FHIT: variants seen among roughly 807,000 people sequenced by gnomAD.
FHIT encodes the protein fragile histidine triad diadenosine triphosphatase, also known as bis(5'-adenosyl)-triphosphatase.
In FHIT, 19 loss-of-function variants were observed where a neutral mutation model predicts 17.9. The observed-to-expected ratio is 1.06, with a 90% CI of 0.74 to 1.56. The LOEUF is 1.56. Ranked by LOEUF, FHIT falls within the 40% of genes most tolerant of loss-of-function variation. The probability of loss-of-function intolerance (pLI) is 0.00; values close to 1 mark genes in which losing one functional copy is unlikely to be tolerated. For synonymous variants in FHIT, 81 were observed against 69.7 expected, an observed-to-expected ratio of 1.16 and a Z score of -0.81; for missense variants, 248 against 189.2, an observed-to-expected ratio of 1.31 and a Z score of -1.82.
intron 7 of FHIT, among the ~76,000 whole-genome samples, chr3:60,008,698 G>T (rs1217411800): frequency 6.6e-6 from 1 of 152,182 alleles, no homozygotes; most frequent in Non-Finnish European, 1.5e-5. Flanking sequence ...GCTTTCCATG[G>T]CAGGTTGTCA....
intron 5 of FHIT, among the ~76,000 whole-genome samples, chr3:60,533,921 G>C (rs1343349321): frequency 6.6e-6 from 1 of 152,156 alleles, no homozygotes; most frequent in African/African-American, 2.4e-5. Context: ...GAAAAGCCCA[G>C]AGGCAGGGAG....
At chr3:60,750,262 C>T (rs782271530) in intron 4 of FHIT, among the ~76,000 whole-genome samples, 1 of 152,190 alleles carries the variant, frequency 6.6e-6, no homozygotes, top group Admixed American at 6.5e-5. Flanking sequence ...GAAATAGTTG[C>T]AGTATAAGGT....
At chr3:60,086,747 A>T (rs1016010700) in intron 5 of FHIT, among the ~76,000 whole-genome samples, 3 of 152,162 alleles carry the variant, frequency 2.0e-5, no homozygotes, top group African/African-American at 7.2e-5. Flanking sequence ...TGGGCTCCTA[A>T]TGCCTCAGGC....
chr3:60,682,386 G>C (rs1553697144), intron 4 of FHIT, among the ~76,000 whole-genome samples: 4 of 152,300 alleles, frequency 2.6e-5, no homozygotes, highest in Admixed American at 2.0e-4. Context: ...CAAAGAACAG[G>C]CTGATTCTTT....
chr3:61,153,043 T>C, intron 2 of FHIT, among the ~76,000 whole-genome samples: 1 of 151,012 alleles, frequency 6.6e-6, no homozygotes, highest in African/African-American at 2.4e-5. Flanking sequence ...CTCAGGAGGC[T>C]GAGGCAGGTG....
intron 5 of FHIT, among the ~76,000 whole-genome samples, chr3:60,194,077 T>C (rs1307306815): frequency 3.3e-5 from 5 of 151,998 alleles, no homozygotes; most frequent in Non-Finnish European, 5.9e-5. Context: ...TTCACAGAAA[T>C]AGAAAACTCA....
chr3:60,392,250 T>C (rs1021588590), intron 5 of FHIT, among the ~76,000 whole-genome samples: 3 of 152,194 alleles, frequency 2.0e-5, no homozygotes, highest in South Asian at 2.1e-4. Context: ...TCTGCTAATG[T>C]TGAGGCAAGA....
At chr3:60,867,740 A>T (rs1398715318) in intron 3 of FHIT, among the ~76,000 whole-genome samples, 1 of 152,188 alleles carries the variant, frequency 6.6e-6, no homozygotes, top group Admixed American at 6.5e-5. Context: ...AAAAGTTCAC[A>T]TGCTCTGGGG....
rs147009504 is a variant in FHIT, at chr3:60,127,139, A to C, written c.104-112987T>G. ...TACACAAGCGATCCCATCTAGATTTACAAGTGGCCATCCTCTCTGACCCAC... is the reference window on the plus strand; with the variant it reads ...TACACAAGCGATCCCATCTAGATTTCCAAGTGGCCATCCTCTCTGACCCAC... On this transcript the variant is annotated intron_variant, in intron 5 of 9. Coordinates refer to ENST00000492590, the MANE Select transcript of FHIT (RefSeq NM_002012.4). 1.9e-3 allele frequency among the ~76,000 whole-genome samples: 284 copies of C among 152,244 alleles called. 2 individuals are homozygous for C. Among genetic ancestry groups the C allele is most frequent in the African/African-American group, 6.6e-3 (274 of 41,564 alleles).
rs141550811 is a variant in FHIT at position 61,045,769 on chromosome 3, C to T, written c.-163-3670G>A. On this transcript the variant is annotated intron_variant, in intron 2 of 9. Coordinates refer to ENST00000492590, the MANE Select transcript of FHIT (RefSeq NM_002012.4). ...GCACTCCTCAGCAAATGTAAAAGAA[C>T]AGAAATTATAACAAACTGTCTCTCA... Among the ~76,000 whole-genome samples the T allele has an allele frequency of 3.5e-3, 535 of 152,208 alleles. 2 individuals are homozygous for T. The highest frequency in any genetic ancestry group is 0.012 in the African/African-American group (510 of 41,524).
At chr3:60,906,131 A>C (rs1553764496) in intron 3 of FHIT, among the ~76,000 whole-genome samples, 1 of 152,242 alleles carries the variant, frequency 6.6e-6, no homozygotes, top group East Asian at 1.9e-4. Flanking sequence ...CAGTATTCTG[A>C]ATGTATATCC....
intron 3 of FHIT, among the ~76,000 whole-genome samples, chr3:60,855,200 G>C (rs1403773889): frequency 6.6e-6 from 1 of 152,124 alleles, no homozygotes; most frequent in East Asian, 1.9e-4. Flanking sequence ...CTTAGCCTTA[G>C]ATAATGAATA....
intron 7 of FHIT, among the ~76,000 whole-genome samples, chr3:59,976,122 CA>C (rs1400252482): frequency 6.6e-6 from 1 of 151,972 alleles, no homozygotes; most frequent in Admixed American, 6.6e-5. Context: ...ATAGGGTTGC[CA>C]TGAAGATAAA....
intron 8 of FHIT, among the ~76,000 whole-genome samples, chr3:59,864,626 C>T (rs1227950890): frequency 6.6e-6 from 1 of 151,486 alleles, no homozygotes; most frequent in East Asian, 1.9e-4. Flanking sequence ...TATCCTGTGG[C>T]CCTGGGCAGG....
chr3:59,958,040 A>G (rs1323668207), intron 7 of FHIT, among the ~76,000 whole-genome samples: 2 of 152,230 alleles, frequency 1.3e-5, no homozygotes, highest in Admixed American at 1.3e-4. Flanking sequence ...ACTGAAGGTG[A>G]CCATACCATA....
chr3:60,824,610 C>T lies in FHIT; in HGVS notation c.-110-2599G>A, dbSNP rs143470922. ...CCTCACTGATATGGTTTGGCTGTGT[C>T]CCCACCCAAGTCTCACCTTGAATTG... On this transcript the variant is annotated intron_variant, in intron 3 of 9. Transcript: ENST00000492590. 1.7e-3 allele frequency among the ~76,000 whole-genome samples: 255 copies of T among 152,282 alleles called. 1 individual carries two copies. Among genetic ancestry groups the T allele is most frequent in the African/African-American group, 5.9e-3 (244 of 41,570 alleles).
At chr3:60,488,822 C>T (rs764876841) in intron 5 of FHIT, among the ~76,000 whole-genome samples, 1 of 152,168 alleles carries the variant, frequency 6.6e-6, no homozygotes, top group African/African-American at 2.4e-5. Context: ...AGTTATCTAA[C>T]AGCCAGAAGG....
chr3:60,152,871 AG>A (rs1375146341), intron 5 of FHIT, among the ~76,000 whole-genome samples: 13 of 152,110 alleles, frequency 8.5e-5, no homozygotes, highest in African/African-American at 2.9e-4. Context: ...TTTAATTTGG[AG>A]GTCTCTAAGT....
chr3:59,800,824 G>C (rs146159614), intron 8 of FHIT, among the ~76,000 whole-genome samples: 211 of 152,258 alleles, frequency 1.4e-3, no homozygotes, highest in African/African-American at 4.7e-3. Flanking sequence ...AACAGGACAG[G>C]AGTGCAGGAG....
Sources: allele counts gnomAD v4.1 joint callset (sites outside exome capture counted in the v4.1 genomes callset), GRCh38; gene constraint gnomAD v4.1.1; transcripts MANE v1.5; gene names NCBI Gene and HGNC (gene_info 2026-07-23, HGNC 2026-07-21).